PIK3R5: variants seen among roughly 807,000 people sequenced by gnomAD.
PIK3R5 encodes phosphoinositide-3-kinase regulatory subunit 5, also known as phosphoinositide 3-kinase regulatory subunit 5.
PIK3R5 carries 32 observed loss-of-function variants against 94.9 expected under a neutral mutation model. That is an observed-to-expected ratio of 0.34 (90% CI 0.25 to 0.45). The LOEUF (loss-of-function observed/expected upper bound fraction) is 0.45. PIK3R5 is among the 20% of genes least tolerant of loss of function. The probability of loss-of-function intolerance (pLI) is 1.00; values close to 1 mark genes in which losing one functional copy is unlikely to be tolerated. For synonymous variants in PIK3R5, 443 were observed against 479.4 expected, an observed-to-expected ratio of 0.92 and a Z score of 0.99; for missense variants, 853 against 1,144.6, an observed-to-expected ratio of 0.75 and a Z score of 3.68.
Position 8,892,873 on chromosome 17 carries a change from T to A in PIK3R5, c.482+713A>T, listed in dbSNP as rs1462121883. Among the ~76,000 whole-genome samples, 3 of 152,168 alleles carry A rather than the reference T, an allele frequency of 2.0e-5. No individual in the cohort carries two copies. Among genetic ancestry groups the A allele is most frequent in the Non-Finnish European group, 4.4e-5 (3 of 68,022 alleles). On this transcript the variant is annotated intron_variant, in intron 6 of 18. Coordinates refer to ENST00000447110, the MANE Select transcript of PIK3R5 (RefSeq NM_001142633.3). This position sits in a 1 kb window ranked among gnomAD's most constrained non-coding sequence, Gnocchi z 4.3. Reference sequence around the variant, plus strand: ...TCAAGGTGAGACAGCACCCAACTCTTCAAGGCCTGCAGAGGGTCCTCCTAA... The same window carrying A: ...TCAAGGTGAGACAGCACCCAACTCTACAAGGCCTGCAGAGGGTCCTCCTAA...
intron 1 of PIK3R5, among the ~76,000 whole-genome samples, chr17:8,917,327 A>T (rs966416360): frequency 6.6e-6 from 1 of 152,204 alleles, no homozygotes; most frequent in Non-Finnish European, 1.5e-5. Flanking sequence ...AATAATCGAA[A>T]TCAACCAGAA....
intron 3 of PIK3R5, 90 bp from the exon 4 acceptor site, chr17:8,905,827 CTTTCTT>C: frequency 4.6e-6 from 3 of 645,490 alleles, no homozygotes; most frequent in Non-Finnish European, 7.2e-6. Flanking sequence ...TCATTCTAGC[CTTTCTT>C]TTTTTTTTTT....
In PIK3R5 at chr17:8,904,670, A is replaced by G; in HGVS notation, c.412+107T>C. 8.9e-7 allele frequency: 1 copy of G among 1,122,336 alleles called. No individual in the cohort carries two copies. The highest frequency in any genetic ancestry group is 1.3e-6 in the Non-Finnish European group (1 of 767,978). The allele number at this position is 1,122,336 out of a possible 1,614,324, so 69.5% of individuals were successfully genotyped here. ...TGAACCAAGGCGTTGGCAGAGATGA[A>G]TCAAAGGATGCAAGGTAAGGAGGGT... On this transcript the variant is annotated intron_variant, in intron 5 of 18. Transcript: ENST00000447110. This position sits in a 1 kb window ranked among gnomAD's most constrained non-coding sequence, Gnocchi z 5.1.
Position 8,881,859 on chromosome 17 carries a change from C to T in PIK3R5, c.2228G>A (p.Arg743His), listed in dbSNP as rs753712971. Residue 743 changes from arginine to histidine, a missense_variant, in exon 16 of 19, where the codon CGC becomes CAC. By Grantham distance (29) the Arg-to-His change is conservative. Coordinates refer to ENST00000447110, the MANE Select transcript of PIK3R5 (RefSeq NM_001142633.3). The surrounding 1 kb of genome is among the most constrained non-coding windows in gnomAD (Gnocchi z 4.8). ...ACAGACCTTCTCCAGGTTGCTCCAG[C>T]GACTTCGTCCACTGATGGCCCCCTG... ...YSKGAISGRS[R>H]WSNLEKVCTS... 8.1e-6 allele frequency: 13 copies of T among 1,613,902 alleles called. No individual in the cohort carries two copies. The highest frequency in any genetic ancestry group is 3.3e-5 in the South Asian group (3 of 91,046).
chr17:8,922,030 G>A (rs1169581418), intron 1 of PIK3R5, among the ~76,000 whole-genome samples: 2 of 152,102 alleles, frequency 1.3e-5, no homozygotes, highest in African/African-American at 4.8e-5. Flanking sequence ...CTGATTAAGG[G>A]CTACCATCTT....
chr17:8,946,525 G>C (rs1459376900), intron 1 of PIK3R5, among the ~76,000 whole-genome samples: 1 of 151,628 alleles, frequency 6.6e-6, no homozygotes, highest in Non-Finnish European at 1.5e-5. Flanking sequence ...AGAGGCAGAA[G>C]GGCCCTCAGA....
chr17:8,906,300 T>C (rs1020354365), intron 3 of PIK3R5, among the ~76,000 whole-genome samples: 2 of 152,222 alleles, frequency 1.3e-5, no homozygotes, highest in Non-Finnish European at 2.9e-5. Context: ...GCTGTGTGTA[T>C]ATTTTTACTC....
intron 1 of PIK3R5, among the ~76,000 whole-genome samples, chr17:8,964,999 GCCCA>G (rs1254695836): frequency 1.3e-5 from 1 of 74,828 alleles, no homozygotes; most frequent in Non-Finnish European, 3.1e-5. Context: ...ACATGCGCAT[GCCCA>G]CACACACACA....
At chr17:8,948,042 TAAAAAA>T (rs71135932) in intron 1 of PIK3R5, among the ~76,000 whole-genome samples, 4 of 62,780 alleles carry the variant, frequency 6.4e-5, no homozygotes, top group East Asian at 4.1e-4. Context: ...GACTCCGTCT[TAAAAAA>T]AAAAAAAAAA....
At chr17:8,954,437 G>A (rs2091432821) in intron 1 of PIK3R5, among the ~76,000 whole-genome samples, 1 of 152,170 alleles carries the variant, frequency 6.6e-6, no homozygotes, top group Non-Finnish European at 1.5e-5. Context: ...TGATTGCCCT[G>A]ATTGCCCCAC....
Position 8,890,018 on chromosome 17 carries a change from T to C in PIK3R5, c.766A>G (p.Lys256Glu). The C allele has an allele frequency of 6.2e-7, 1 of 1,613,962 alleles. No homozygotes were observed. ...AAEARRWLRT[K>E]LQAVGEKAGF... ...GCTTTTTCTCCCACCGCCTGCAGCTTGGTCCTGAGCCACCGCCGGGCCTCT... is the reference window on the plus strand; with the variant it reads ...GCTTTTTCTCCCACCGCCTGCAGCTCGGTCCTGAGCCACCGCCGGGCCTCT... Residue 256 changes from lysine (K) to glutamate (E), a missense_variant, in exon 8 of 19, where the codon AAG becomes GAG. By Grantham distance (56) the Lys-to-Glu change is moderately conservative. This residue lies in a region of PIK3R5 where 161 missense variants were observed against 249.5 expected (regional missense o/e 0.65). Transcript: ENST00000447110. This position sits in a 1 kb window ranked among gnomAD's most constrained non-coding sequence, Gnocchi z 6.1.
At chr17:8,912,404 C>T (rs538911595) in intron 1 of PIK3R5, 2 of 152,258 alleles carry the variant, frequency 1.3e-5, no homozygotes, top group African/African-American at 4.8e-5. Context: ...TGGGCAAATA[C>T]TTTAACTTTT....
intron 3 of PIK3R5, among the ~76,000 whole-genome samples, chr17:8,906,754 A>G: frequency 6.6e-6 from 1 of 152,056 alleles, no homozygotes. Context: ...ACAGTGGCGC[A>G]CACCTGTAAT....
At chr17:8,914,827 G>A (rs115207287) in intron 1 of PIK3R5, among the ~76,000 whole-genome samples, 36 of 152,364 alleles carry the variant, frequency 2.4e-4, no homozygotes, top group African/African-American at 6.3e-4. Flanking sequence ...GGCCTGAGCC[G>A]GTTTGTTGTT....
At chr17:8,932,905 A>G (rs939331731) in intron 1 of PIK3R5, among the ~76,000 whole-genome samples, 1 of 152,148 alleles carries the variant, frequency 6.6e-6, no homozygotes, top group Non-Finnish European at 1.5e-5. Context: ...AAAACCCAAG[A>G]AGGATACGTG....
At chr17:8,898,525 A>G (rs2090204244) in intron 5 of PIK3R5, among the ~76,000 whole-genome samples, 1 of 152,216 alleles carries the variant, frequency 6.6e-6, no homozygotes, top group Non-Finnish European at 1.5e-5. Context: ...CAAGTGGTAG[A>G]GCTCTTGTCA....
chr17:8,958,550 G>C (rs568503128), intron 1 of PIK3R5, among the ~76,000 whole-genome samples: 1 of 152,266 alleles, frequency 6.6e-6, no homozygotes, highest in Non-Finnish European at 1.5e-5. Flanking sequence ...TGAAGAAAAC[G>C]TCCTTCACAC....
At chr17:8,943,157 C>T (rs1178849646) in intron 1 of PIK3R5, among the ~76,000 whole-genome samples, 1 of 151,972 alleles carries the variant, frequency 6.6e-6, no homozygotes, top group Admixed American at 6.6e-5. Flanking sequence ...TCACTGCAAC[C>T]TTGAACTCCC....
Position 8,899,158 on chromosome 17 carries a change from G to T in PIK3R5, c.413-5503C>A, listed in dbSNP as rs12945251. 3.9e-5 allele frequency among the ~76,000 whole-genome samples: 6 copies of T among 152,286 alleles called. No individual in the cohort carries two copies. The South Asian group carries it at 8.3e-4, about 21-fold the overall frequency. On this transcript the variant is annotated intron_variant, in intron 5 of 18. Transcript: ENST00000447110. ...GTGGGCAGGACCCAGTGGCACTGAC[G>T]TGAGGTTTCCTGCTACCTCCAGAAT...
Sources: gnomAD v4.1 joint callset for allele counts (sites outside exome capture counted in the v4.1 genomes callset) on GRCh38, gnomAD v4.1.1 for gene constraint, gnomAD v4.1.1 regional missense constraint, Gnocchi (gnomAD v3.1) non-coding constraint, MANE v1.5 for transcripts, NCBI Gene and HGNC (gene_info 2026-07-23, HGNC 2026-07-21) for gene names.